Variants in HSD17B12 observed in about 807,000 individuals in gnomAD.
The protein encoded by HSD17B12 is very-long-chain 3-oxoacyl-CoA reductase.
Under a neutral mutation model 39.3 loss-of-function variants are expected in HSD17B12, and 32 were observed. That is an observed-to-expected ratio of 0.81 (90% CI 0.61 to 1.09). HSD17B12 has a LOEUF of 1.09. Ranked by LOEUF, HSD17B12 falls within the 50% of genes least tolerant of loss-of-function variation. The pLI is 0.00. For synonymous variants in HSD17B12, 150 were observed against 146.7 expected (o/e 1.02, Z -0.16); for missense variants, 342 against 382.9 (o/e 0.89, Z 0.89).
At chr11:43,677,445 A>AT (rs577238736), upstream of HSD17B12, among the ~76,000 whole-genome samples, 287 of 152,218 alleles carry the variant, frequency 1.9e-3, no homozygotes, top group Admixed American at 4.1e-3. Context: ...GTTTTACACA[A>AT]TTTTTTTAAA....
At position 43,680,840 on chromosome 11, in the gene HSD17B12, C is replaced by G. The variant is rs759975641; in HGVS notation, c.13C>G (p.Leu5Val). 7.4e-6 allele frequency: 12 copies of G among 1,614,112 alleles called. No individual in the cohort carries two copies. The highest frequency in any genetic ancestry group is 1.3e-5 in the African/African-American group (1 of 75,052). Residue 5 changes from leucine to valine, a missense_variant, in exon 1 of 11, where the codon CTC becomes GTC. Transcript: ENST00000278353. ...CTAGTGGAAAGCCATGGAGAGCGCT[C>G]TCCCCGCCGCCGGCTTCCTGTACTG... MESA[L>V]PAAGFLYWVG...
chr11:43,828,701 T>C (rs1389800112), intron 6 of HSD17B12, among the ~76,000 whole-genome samples: 1 of 152,154 alleles, frequency 6.6e-6, no homozygotes, highest in Non-Finnish European at 1.5e-5. Flanking sequence ...CTGTGAGCTG[T>C]GAAATGGAGT....
intron 4 of HSD17B12, among the ~76,000 whole-genome samples, chr11:43,807,089 C>T (rs151028413): frequency 1.6e-3 from 245 of 152,202 alleles, no homozygotes; most frequent in African/African-American, 5.9e-3. Context: ...CTGTACAGTA[C>T]CTTTTCTTTC....
intron 4 of HSD17B12, among the ~76,000 whole-genome samples, chr11:43,810,533 T>C (rs1951062945): frequency 1.3e-5 from 2 of 152,140 alleles, no homozygotes; most frequent in African/African-American, 4.8e-5. Context: ...AGTTCTTCTC[T>C]GCAAGGATCA....
At chr11:43,565,842 T>C in the HSD17B12 span, among the ~76,000 whole-genome samples, 1 of 152,244 alleles carries the variant, frequency 6.6e-6, no homozygotes, top group African/African-American at 2.4e-5. Context: ...AGTTTGCACT[T>C]GCCCTGTGGA....
chr11:43,625,262 A>G, the HSD17B12 span, among the ~76,000 whole-genome samples: 2 of 151,616 alleles, frequency 1.3e-5, no homozygotes, highest in South Asian at 4.2e-4. Flanking sequence ...TACTTGAGAA[A>G]CTCTTCAAGA....
upstream of HSD17B12, among the ~76,000 whole-genome samples, chr11:43,680,115 G>A (rs972359860): frequency 1.6e-4 from 24 of 150,188 alleles, no homozygotes; most frequent in East Asian, 4.3e-3. Context: ...TCACTCCGTC[G>A]CTCAGGCTGG....
intron 3 of HSD17B12, 27 bp from the exon 4 acceptor site, chr11:43,798,293 C>T (rs764191739): frequency 8.0e-6 from 11 of 1,379,970 alleles, no homozygotes; most frequent in Non-Finnish European, 1.1e-5. Context: ...CCCTGTCTCT[C>T]CCCGTTTGTG....
intron 3 of HSD17B12, among the ~76,000 whole-genome samples, chr11:43,789,824 T>C (rs1361733679): frequency 6.6e-6 from 1 of 152,002 alleles, no homozygotes; most frequent in East Asian, 1.9e-4. Context: ...CCCAGCTACT[T>C]GGGAGGCTGA....
intron 3 of HSD17B12, among the ~76,000 whole-genome samples, chr11:43,761,718 T>C (rs1950556484): frequency 6.6e-6 from 1 of 152,232 alleles, no homozygotes; most frequent in South Asian, 2.1e-4. Context: ...CTAGAACACC[T>C]ACATGTAGCC....
chr11:43,781,336 A>G (rs1018850848), intron 3 of HSD17B12, among the ~76,000 whole-genome samples: 2 of 152,186 alleles, frequency 1.3e-5, no homozygotes, highest in Non-Finnish European at 2.9e-5. Context: ...GTTTGTCTGT[A>G]TATGCTGACA....
At position 43,715,389 on chromosome 11, in the gene HSD17B12, GT is replaced by G. The variant is rs1439178866; in HGVS notation, c.160+34407del. ...CTGCATCTATTGAGATAATCATGTG[GT>G]TTTTGTCTTTGGTTCTGTTTATATG... On this transcript the variant is annotated intron_variant, in intron 1 of 10. Coordinates refer to ENST00000278353, the MANE Select transcript of HSD17B12 (RefSeq NM_016142.3). 3.3e-5 allele frequency among the ~76,000 whole-genome samples: 5 copies of G among 152,192 alleles called. 1 individual carries two copies. The highest frequency in any genetic ancestry group is 3.9e-4 in the East Asian group (2 of 5,180).
chr11:43,695,916 A>T, intron 1 of HSD17B12, among the ~76,000 whole-genome samples: 1 of 152,064 alleles, frequency 6.6e-6, no homozygotes, highest in Admixed American at 6.5e-5. Context: ...TGTGTCATGG[A>T]ATTTTGTTTT....
chr11:43,718,116 A>G (rs1451521957), intron 1 of HSD17B12, among the ~76,000 whole-genome samples: 3 of 152,114 alleles, frequency 2.0e-5, no homozygotes, highest in Non-Finnish European at 2.9e-5. Context: ...GTTCTACCAA[A>G]TTATGTTGGT....
chr11:43,665,519 A>G, the HSD17B12 span, among the ~76,000 whole-genome samples: 1 of 152,110 alleles, frequency 6.6e-6, no homozygotes, highest in African/African-American at 2.4e-5. Context: ...ATGCCTGGTG[A>G]TAACTACTAT....
intron 1 of HSD17B12, among the ~76,000 whole-genome samples, chr11:43,748,731 C>G (rs375318996): frequency 1.5e-4 from 23 of 152,280 alleles, no homozygotes; most frequent in African/African-American, 5.5e-4. Flanking sequence ...CTGTTAGTTA[C>G]TAATGTTTCC....
At position 43,683,258 on chromosome 11, in the gene HSD17B12, T is replaced by A. The variant is rs189692383; in HGVS notation, c.160+2271T>A. Among the ~76,000 whole-genome samples, 280 of 152,270 alleles carry A rather than the reference T, an allele frequency of 1.8e-3. 2 individuals are homozygous for A. Among genetic ancestry groups the A allele is most frequent in the African/African-American group, 6.4e-3 (267 of 41,566 alleles). On this transcript the variant is annotated intron_variant, in intron 1 of 10. Coordinates refer to ENST00000278353, the MANE Select transcript of HSD17B12 (RefSeq NM_016142.3). Reference sequence around the variant, plus strand: ...AAAAGATTTGGCCCCAGAGGAAGGATAATTGATAAATTAAGGGAAGTATTT... The same window carrying A: ...AAAAGATTTGGCCCCAGAGGAAGGAAAATTGATAAATTAAGGGAAGTATTT...
At chr11:43,789,098 T>A (rs965908411) in intron 3 of HSD17B12, among the ~76,000 whole-genome samples, 2 of 152,224 alleles carry the variant, frequency 1.3e-5, no homozygotes, top group Non-Finnish European at 2.9e-5. Context: ...TGCCAACATC[T>A]GCCCTTTCTT....
chr11:43,655,842 T>C, the HSD17B12 span, among the ~76,000 whole-genome samples: 1 of 152,216 alleles, frequency 6.6e-6, no homozygotes, highest in Non-Finnish European at 1.5e-5. Context: ...TCAATGTTCA[T>C]CAGGGATATT....
Sources: gnomAD v4.1 joint callset for allele counts (sites outside exome capture counted in the v4.1 genomes callset) on GRCh38, gnomAD v4.1.1 for gene constraint, MANE v1.5 for transcripts, NCBI Gene and HGNC (gene_info 2026-07-23, HGNC 2026-07-21) for gene names.